Variants in SRGAP3 observed in about 807,000 individuals in gnomAD.
SRGAP3 encodes the protein SLIT-ROBO Rho GTPase-activating protein 3.
Under a neutral mutation model 121.1 loss-of-function variants are expected in SRGAP3, and 39 were observed. The observed-to-expected ratio is 0.32, with a 90% CI of 0.25 to 0.42. The LOEUF (loss-of-function observed/expected upper bound fraction) is 0.42. Ranked by LOEUF, SRGAP3 falls within the 10% of genes least tolerant of loss-of-function variation. The pLI, the probability that SRGAP3 is intolerant of heterozygous loss-of-function variation, is 1.00. For missense variants in SRGAP3, 1,213 were observed against 1,470.6 expected (o/e 0.82, Z 2.86); for synonymous variants, 601 against 570.0 (o/e 1.05, Z -0.77).
chr3:9,351,444 G>A (rs1250198683), intron 1 of SRGAP3, among the ~76,000 whole-genome samples: 1 of 152,058 alleles, frequency 6.6e-6, no homozygotes, highest in African/African-American at 2.4e-5. Context: ...TCTTAATCGC[G>A]TTAGAGTTCC....
At chr3:9,125,066 T>C in intron 1 of SRGAP3, 149 bp from the exon 2 acceptor site, 1 of 874,858 alleles carries the variant, frequency 1.1e-6, no homozygotes, top group East Asian at 2.7e-5. Context: ...AGCTCAGACC[T>C]TGCTTGGCAG....
chr3:9,084,670 T>C (rs1415332112), intron 3 of SRGAP3, among the ~76,000 whole-genome samples: 1 of 152,182 alleles, frequency 6.6e-6, no homozygotes, highest in East Asian at 1.9e-4. Flanking sequence ...CCACTACCAG[T>C]TCCCGTAGCA....
chr3:9,182,201 A>AC (rs1951435122), intron 1 of SRGAP3, among the ~76,000 whole-genome samples: 3 of 139,566 alleles, frequency 2.1e-5, no homozygotes, highest in Non-Finnish European at 3.2e-5. Context: ...AAAAAAAAAA[A>AC]CACAAAAAAG....
At chr3:9,317,386 T>C (rs1955366737) in intron 3 of SRGAP3, among the ~76,000 whole-genome samples, 1 of 152,198 alleles carries the variant, frequency 6.6e-6, no homozygotes, top group Non-Finnish European at 1.5e-5. Context: ...GTTTTTAAGA[T>C]CATGTTTGCC....
chr3:9,022,828 T>C (rs1045982101), intron 14 of SRGAP3, among the ~76,000 whole-genome samples: 1 of 152,148 alleles, frequency 6.6e-6, no homozygotes, highest in Non-Finnish European at 1.5e-5. Flanking sequence ...GCCAACTGCA[T>C]CCGTGAGGAA....
At position 9,192,692 on chromosome 3, in the gene SRGAP3, T is replaced by A. The variant is rs181215451; in HGVS notation, c.67+56193A>T. On this transcript the variant is annotated intron_variant, in intron 1 of 21. Coordinates refer to ENST00000383836, the MANE Select transcript of SRGAP3 (RefSeq NM_014850.4). ...ATAACCATGAGTATATCAGCTTTTCTAATTTTTGTGAGTCCCTCAAGTGAA... is the reference window on the plus strand; with the variant it reads ...ATAACCATGAGTATATCAGCTTTTCAAATTTTTGTGAGTCCCTCAAGTGAA... 2.0e-5 allele frequency: 3 copies of A among 152,366 alleles called. No individual in the cohort carries two copies. The East Asian group carries it at 5.8e-4, about 29-fold the overall frequency. 9.4% of individuals were successfully genotyped at this position (152,366 alleles called of 1,614,324 possible). A position where few individuals can be genotyped will look rare whatever the true frequency, so the allele number is the denominator to read the frequency against.
intron 3 of SRGAP3, among the ~76,000 whole-genome samples, chr3:9,089,734 G>A (rs537544041): frequency 1.3e-5 from 2 of 152,258 alleles, no homozygotes; most frequent in South Asian, 4.1e-4. Flanking sequence ...TGAGATGTTG[G>A]TGGAACAGGC....
At chr3:9,273,768 T>C (rs1954523826) in intron 3 of SRGAP3, among the ~76,000 whole-genome samples, 1 of 151,584 alleles carries the variant, frequency 6.6e-6, no homozygotes, top group East Asian at 1.9e-4. Flanking sequence ...TTGTATATAG[T>C]GTAAGGTAAG....
chr3:9,157,390 T>C (rs1950453780), intron 1 of SRGAP3, among the ~76,000 whole-genome samples: 1 of 152,094 alleles, frequency 6.6e-6, no homozygotes, highest in African/African-American at 2.4e-5. Flanking sequence ...CCTCCAACAC[T>C]GGGAATTACA....
chr3:9,118,641 T>C, intron 2 of SRGAP3, among the ~76,000 whole-genome samples: 1 of 152,058 alleles, frequency 6.6e-6, no homozygotes, highest in Non-Finnish European at 1.5e-5. Flanking sequence ...CTCTTCAAAG[T>C]GAACTGCCAA....
intron 1 of SRGAP3, chr3:9,349,944 GTCTC>G (rs1390441243): frequency 1.3e-5 from 2 of 152,110 alleles, no homozygotes; most frequent in Non-Finnish European, 2.9e-5. Flanking sequence ...GTCCAAGTGT[GTCTC>G]TCTCTGACTG....
intron 7 of SRGAP3, among the ~76,000 whole-genome samples, 158 bp downstream of exon 7, chr3:9,058,093 A>C (rs781569347): frequency 6.6e-6 from 1 of 152,222 alleles, no homozygotes; most frequent in Non-Finnish European, 1.5e-5. Context: ...TGAGGGTATT[A>C]GTGGTAAACT....
intron 3 of SRGAP3, among the ~76,000 whole-genome samples, chr3:9,325,599 G>C (rs1955504910): frequency 6.6e-6 from 1 of 151,888 alleles, no homozygotes; most frequent in South Asian, 2.1e-4. Flanking sequence ...CCTAAATCCT[G>C]GGAAAAGGGC....
chr3:9,040,292 C>G (rs1316080037), intron 10 of SRGAP3, among the ~76,000 whole-genome samples: 1 of 152,112 alleles, frequency 6.6e-6, no homozygotes, highest in Admixed American at 6.6e-5. Context: ...ACCTCTTACT[C>G]TGTTTTATAA....
In SRGAP3 at chr3:9,124,809, A is replaced by G. The variant is rs1198378134; in HGVS notation, c.176T>C (p.Ile59Thr). 1.2e-6 allele frequency: 2 copies of G among 1,614,218 alleles called. No homozygotes were observed. The highest frequency in any genetic ancestry group is 1.7e-5 in the Admixed American group (1 of 60,028). ...LQEFFRRKAE[I>T]ELEYSRSLEK... Reference sequence around the variant, plus strand: ...CAGGCTGCGGGAGTACTCGAGCTCAATCTCAGCTTTCCGGCGGAAAAACTC... The same window carrying G: ...CAGGCTGCGGGAGTACTCGAGCTCAGTCTCAGCTTTCCGGCGGAAAAACTC... The change falls in exon 2 of 22, where the codon ATT becomes ACT. Residue 59 changes from isoleucine (I) to threonine (T), a missense_variant. This residue lies in a region of SRGAP3 where 793 missense variants were observed against 1,032.9 expected (regional missense o/e 0.77). Coordinates refer to ENST00000383836, the MANE Select transcript of SRGAP3 (RefSeq NM_014850.4).
intron 1 of SRGAP3, among the ~76,000 whole-genome samples, chr3:9,188,798 C>T (rs901255985): frequency 2.0e-5 from 3 of 152,166 alleles, no homozygotes; most frequent in Non-Finnish European, 2.9e-5. Flanking sequence ...ATAATTAGTG[C>T]ATGATAATAA....
intron 20 of SRGAP3, chr3:8,992,533 C>T (rs1942118929): frequency 2.5e-6 from 1 of 397,048 alleles, no homozygotes; most frequent in African/African-American, 2.0e-5. Context: ...AATATGTGAG[C>T]TTTACATTTT....
At chr3:9,303,506 A>G (rs1955104193) in intron 3 of SRGAP3, among the ~76,000 whole-genome samples, 1 of 152,132 alleles carries the variant, frequency 6.6e-6, no homozygotes, top group Non-Finnish European at 1.5e-5. Flanking sequence ...AGTATTAACT[A>G]TATACTACAC....
rs1263986112 is a variant in SRGAP3 at position 8,981,354 on chromosome 3, G to A, written c.*4165C>T. ...GGCCGCCACCCCGACTCCCAGCCCAGCAGGGGCTAACCCCATGGTTGTGAG... is the reference window on the plus strand; with the variant it reads ...GGCCGCCACCCCGACTCCCAGCCCAACAGGGGCTAACCCCATGGTTGTGAG... On this transcript the variant is annotated 3_prime_UTR_variant, in exon 22 of 22. Coordinates refer to ENST00000383836, the MANE Select transcript of SRGAP3 (RefSeq NM_014850.4). 1.7e-5 allele frequency: 4 copies of A among 232,812 alleles called. No individual in the cohort carries two copies. Among genetic ancestry groups the A allele is most frequent in the Non-Finnish European group, 3.4e-5 (4 of 117,904 alleles). 14.4% of individuals were successfully genotyped at this position (232,812 alleles called of 1,614,324 possible). A position where few individuals can be genotyped will look rare whatever the true frequency, so the allele number is the denominator to read the frequency against.
Sources: allele counts gnomAD v4.1 joint callset (sites outside exome capture counted in the v4.1 genomes callset), GRCh38; gene constraint gnomAD v4.1.1; regional missense constraint gnomAD v4.1.1; transcripts MANE v1.5; gene names NCBI Gene and HGNC (gene_info 2026-07-23, HGNC 2026-07-21).